The following HS6ST2 variants were observed in gnomAD, a reference collection of about 807,000 sequenced individuals.
The protein encoded by HS6ST2 is heparan sulfate 6-O-sulfotransferase 2, also known as heparan-sulfate 6-O-sulfotransferase 2.
A neutral mutation model predicts 33.0 loss-of-function variants in HS6ST2; 17 were observed. The ratio of observed to expected loss-of-function variants is 0.52; its 90% CI spans 0.35 to 0.77. The LOEUF (loss-of-function observed/expected upper bound fraction) is 0.77. Ranked by LOEUF, HS6ST2 falls within the 30% of genes least tolerant of loss-of-function variation. The pLI is 0.01. For missense variants in HS6ST2, 519 were observed against 551.7 expected (o/e 0.94, Z 0.59); for synonymous variants, 248 against 237.1 (o/e 1.05, Z -0.42).
chrX:132,953,234 C>A (rs902497663), intron 2 of HS6ST2, among the ~76,000 whole-genome samples: 2 of 111,864 alleles, frequency 1.8e-5, no homozygotes, highest in Non-Finnish European at 3.8e-5. Flanking sequence ...CTCAGAAATT[C>A]TAAAATGAGC....
chrX:132,713,865 T>C (rs2064252414), intron 2 of HS6ST2, among the ~76,000 whole-genome samples: 2 of 110,520 alleles, frequency 1.8e-5, no homozygotes, highest in Non-Finnish European at 3.8e-5. Flanking sequence ...GATTCCAACC[T>C]GATCCTTGCT....
Position 132,628,354 on chromosome X carries a change from G to C in HS6ST2, c.1807C>G (p.Gln603Glu). ...ANQNLTQNLMQNLTQSLSQKE... is the reference protein window; with the variant it reads ...ANQNLTQNLMENLTQSLSQKE... The stretch of plus-strand genomic sequence containing the variant: ...TGGCTCAAACTCTGAGTCAGATTCT[G>C]CATCAGATTCTGAGTCAGGTTCTGA... Residue 603 changes from glutamine to glutamate, a missense_variant, in exon 5 of 5, where the codon CAG (glutamine) becomes GAG (glutamate). Gln to Glu is a conservative substitution (Grantham distance 29, BLOSUM62 2). Transcript: ENST00000370833. The C allele has an allele frequency of 8.5e-7, 1 of 1,169,632 alleles. No individual in the cohort carries two copies. Among genetic ancestry groups the C allele is most frequent in the East Asian group, 3.2e-5 (1 of 31,483 alleles).
chrX:132,696,562 C>T (rs1198350061), intron 3 of HS6ST2, among the ~76,000 whole-genome samples: 2 of 112,030 alleles, frequency 1.8e-5, no homozygotes, highest in African/African-American at 6.5e-5. Flanking sequence ...CTCTTTATCT[C>T]TGCATTTCTA....
intron 2 of HS6ST2, among the ~76,000 whole-genome samples, chrX:132,897,201 C>G (rs1602836794): frequency 9.3e-6 from 1 of 107,769 alleles, no homozygotes; most frequent in Non-Finnish European, 1.9e-5. Flanking sequence ...TACCTGTTGC[C>G]GAGTAACATC....
intron 2 of HS6ST2, among the ~76,000 whole-genome samples, chrX:132,888,365 C>T (rs1371614979): frequency 9.0e-6 from 1 of 111,397 alleles, no homozygotes; most frequent in Non-Finnish European, 1.9e-5. Flanking sequence ...TTTATAAAAC[C>T]ATCAGATCTC....
intron 2 of HS6ST2, among the ~76,000 whole-genome samples, chrX:132,767,951 TG>T (rs1429838168): frequency 1.8e-5 from 2 of 111,460 alleles, no homozygotes; most frequent in African/African-American, 6.5e-5. Context: ...ACCATGATGT[TG>T]TGGTGCTTCC....
chrX:132,678,507 C>T (rs762560796), intron 3 of HS6ST2, among the ~76,000 whole-genome samples: 2 of 112,664 alleles, frequency 1.8e-5, no homozygotes, highest in African/African-American at 6.4e-5. Flanking sequence ...AACCAAAGGA[C>T]TTTGTACTTT....
At chrX:132,957,810 T>A (rs2067100856) in intron 1 of HS6ST2, among the ~76,000 whole-genome samples, 1 of 111,374 alleles carries the variant, frequency 9.0e-6, no homozygotes, top group Non-Finnish European at 1.9e-5. Context: ...CACACCTCTG[T>A]CCGGGTTTCT....
At chrX:132,872,413 A>G (rs1253506075) in intron 2 of HS6ST2, among the ~76,000 whole-genome samples, 1 of 111,694 alleles carries the variant, frequency 9.0e-6, no homozygotes, top group African/African-American at 3.3e-5. Context: ...AGAAGGGACT[A>G]AGAGACTCCT....
chrX:132,942,506 T>G (rs1045465352), intron 2 of HS6ST2, among the ~76,000 whole-genome samples: 1 of 112,181 alleles, frequency 8.9e-6, no homozygotes, highest in African/African-American at 3.2e-5. Flanking sequence ...GAATGGTCAC[T>G]CCTATGGGAA....
intron 2 of HS6ST2, among the ~76,000 whole-genome samples, chrX:132,913,424 C>G (rs774102305): frequency 8.9e-6 from 1 of 112,519 alleles, no homozygotes; most frequent in Non-Finnish European, 1.9e-5. Flanking sequence ...TGTAACACCC[C>G]CTCTGGGGCT....
chrX:132,656,147 C>T (rs1374570957), intron 4 of HS6ST2, among the ~76,000 whole-genome samples: 2 of 111,632 alleles, frequency 1.8e-5, no homozygotes, highest in Non-Finnish European at 3.8e-5. Flanking sequence ...TGGGTGTAGG[C>T]TGTAATCTTA....
chrX:132,795,851 C>T (rs747412369), intron 2 of HS6ST2, among the ~76,000 whole-genome samples: 2 of 111,655 alleles, frequency 1.8e-5, no homozygotes, highest in Admixed American at 9.5e-5. Context: ...TCAAGCAATC[C>T]GCCCACCTTG....
chrX:132,711,750 G>C (rs1306778438), intron 2 of HS6ST2, among the ~76,000 whole-genome samples: 2 of 112,088 alleles, frequency 1.8e-5, no homozygotes, highest in Admixed American at 9.5e-5. Flanking sequence ...ATTCTGTCCA[G>C]AGAAACAGCT....
rs2063481059 is a variant in HS6ST2, at chrX:132,626,347, T to C, written c.*1876A>G. On this transcript the variant is annotated 3_prime_UTR_variant, in exon 5 of 5. Coordinates refer to ENST00000370833, the MANE Select transcript of HS6ST2 (RefSeq NM_001394073.1). The stretch of plus-strand genomic sequence containing the variant: ...CATTTTCAATTAAAACTAAAGAAAA[T>C]TGAAATACCATAGTGATCTACTAAC... 1 of 112,479 alleles carries C rather than the reference T, an allele frequency of 8.9e-6. No homozygotes were observed. The highest frequency in any genetic ancestry group is 4.6e-3 in the Middle Eastern group (1 of 218). The allele number at this position is 112,479 out of a possible 1,213,427, so 9.3% of individuals were successfully genotyped here.
At chrX:132,683,393 G>A (rs942649967) in intron 3 of HS6ST2, among the ~76,000 whole-genome samples, 7 of 111,585 alleles carry the variant, frequency 6.3e-5, no homozygotes, top group African/African-American at 2.3e-4. Flanking sequence ...TCTGGAATAG[G>A]CTGTCCCCTT....
intron 2 of HS6ST2, among the ~76,000 whole-genome samples, chrX:132,807,033 T>C (rs1312617063): frequency 1.8e-5 from 2 of 110,471 alleles, no homozygotes; most frequent in Non-Finnish European, 3.8e-5. Context: ...TACCCAAGAC[T>C]GCACAGCTAC....
chrX:132,795,929 A>C (rs747858124), intron 2 of HS6ST2, among the ~76,000 whole-genome samples: 16 of 111,552 alleles, frequency 1.4e-4, no homozygotes, highest in Non-Finnish European at 2.1e-4. Flanking sequence ...CTTTAATCAA[A>C]GCAGCTCTGT....
At chrX:132,638,833 C>T (rs2063580267) in intron 4 of HS6ST2, among the ~76,000 whole-genome samples, 1 of 112,007 alleles carries the variant, frequency 8.9e-6, no homozygotes, top group Non-Finnish European at 1.9e-5. Context: ...GAAGGTCTTG[C>T]ACCCACCAAA....
Sources: allele counts gnomAD v4.1 joint callset (sites outside exome capture counted in the v4.1 genomes callset), GRCh38; gene constraint gnomAD v4.1.1; transcripts MANE v1.5; gene names NCBI Gene and HGNC (gene_info 2026-07-23, HGNC 2026-07-21).